UGT3A2: variants seen among roughly 807,000 people sequenced by gnomAD.
The protein encoded by UGT3A2 is UDP glycosyltransferase family 3 member A2, also known as UDP-glycosyltransferase 3A2.
In UGT3A2, 32 loss-of-function variants were observed where a neutral mutation model predicts 39.8. The observed-to-expected ratio is 0.80, with a 90% CI of 0.61 to 1.08. The LOEUF (loss-of-function observed/expected upper bound fraction) is 1.08, where lower values mean the gene tolerates loss of function less well. Among genes scored for constraint, UGT3A2 ranks in the 50% least tolerant of loss-of-function variants. The pLI is 0.00. For synonymous variants in UGT3A2, 241 were observed against 230.7 expected (o/e 1.04, Z -0.40); for missense variants, 611 against 637.1 (o/e 0.96, Z 0.44).
At chr5:36,036,124 T>C in intron 6 of UGT3A2, 150 bp from the exon 7 acceptor site, 1 of 995,766 alleles carries the variant, frequency 1.0e-6, no homozygotes, top group East Asian at 2.6e-5. Flanking sequence ...TGAAATTTAA[T>C]CATGACACCT....
chr5:36,037,048 G>A (rs1043495616), intron 6 of UGT3A2, among the ~76,000 whole-genome samples: 2 of 152,158 alleles, frequency 1.3e-5, no homozygotes, highest in African/African-American at 4.8e-5. Flanking sequence ...AGAGACACAT[G>A]CTGCTGTCCT....
At chr5:36,050,602 G>A (rs1177710640) in intron 3 of UGT3A2, among the ~76,000 whole-genome samples, 3 of 152,202 alleles carry the variant, frequency 2.0e-5, no homozygotes, top group African/African-American at 4.8e-5. Context: ...GGTGGCTCAC[G>A]CCTGTATCCC....
rs571169386 is a variant in UGT3A2 at position 36,050,868 on chromosome 5, A to G, written c.311+1002T>C. ...CAAGAGCAAAACTCCGTCTCAAAAA[A>G]AAAAAAGCCAGTAATGTAGTAAGAA... On this transcript the variant is annotated intron_variant, in intron 3 of 6. Transcript: ENST00000282507. Among the ~76,000 whole-genome samples the G allele has an allele frequency of 2.6e-5, 4 of 152,158 alleles. No individual in the cohort carries two copies. In the South Asian group the frequency reaches 8.3e-4, roughly 32 times the overall value.
At chr5:36,052,575 C>G (rs1440357784) in intron 2 of UGT3A2, among the ~76,000 whole-genome samples, 1 of 151,978 alleles carries the variant, frequency 6.6e-6, no homozygotes. Context: ...CACACCTTCT[C>G]TCTTATCCCT....
intron 1 of UGT3A2, among the ~76,000 whole-genome samples, chr5:36,066,099 C>G (rs909656839): frequency 6.6e-6 from 1 of 152,182 alleles, no homozygotes; most frequent in East Asian, 1.9e-4. Flanking sequence ...CCAAAAGATG[C>G]GAATGACCTG....
At chr5:36,053,036 G>C (rs1000243608) in intron 2 of UGT3A2, among the ~76,000 whole-genome samples, 1 of 152,152 alleles carries the variant, frequency 6.6e-6, no homozygotes, top group Non-Finnish European at 1.5e-5. Flanking sequence ...ACAATGCATG[G>C]CTACTCATAG....
At chr5:36,036,121 T>A in intron 6 of UGT3A2, 147 bp from the exon 7 acceptor site, 2 of 1,018,076 alleles carry the variant, frequency 2.0e-6, no homozygotes, top group South Asian at 1.7e-5. Context: ...CCTTGAAATT[T>A]AATCATGACA....
At position 36,066,776 on chromosome 5, in the gene UGT3A2, C is replaced by T. The variant is rs759191879; in HGVS notation, c.14G>A (p.Arg5Gln). The change falls in exon 1 of 7, where the codon CGA (arginine) becomes CAA (glutamine). Residue 5 changes from arginine (R) to glutamine (Q), a missense_variant. Physicochemically the swap from Arg to Gln is conservative, Grantham distance 43. Transcript: ENST00000282507. The stretch of plus-strand genomic sequence containing the variant: ...AAGGAAGCCCACTAGAAGAAGCACT[C>T]GCTGCCCAGCCATGCTCACTTCTAC... MAGQ[R>Q]VLLLVGFLLP... is the part of the protein sequence containing the mutation. The T allele has an allele frequency of 5.6e-6, 9 of 1,614,092 alleles. No homozygotes were observed. The highest frequency in any genetic ancestry group is 1.6e-4 in the Middle Eastern group (1 of 6,084).
At chr5:36,039,369 C>T in intron 5 of UGT3A2, 108 bp downstream of exon 5, 1 of 1,109,338 alleles carries the variant, frequency 9.0e-7, no homozygotes, top group Non-Finnish European at 1.3e-6. Flanking sequence ...CTGAGCCTTA[C>T]CTGTACCATT....
chr5:36,056,248 T>C (rs202076574), intron 2 of UGT3A2, among the ~76,000 whole-genome samples: 2 of 152,168 alleles, frequency 1.3e-5, no homozygotes, highest in East Asian at 3.9e-4. Flanking sequence ...AGGTACTGGG[T>C]GGAATAGCCC....
chr5:36,065,673 G>T (rs765083986), intron 1 of UGT3A2, among the ~76,000 whole-genome samples: 4 of 152,152 alleles, frequency 2.6e-5, no homozygotes, highest in Non-Finnish European at 5.9e-5. Context: ...CTTCAGAGTG[G>T]AAGTTGTGGT....
intron 4 of UGT3A2, among the ~76,000 whole-genome samples, chr5:36,042,084 G>A (rs1742026210): frequency 6.6e-6 from 1 of 151,958 alleles, no homozygotes; most frequent in South Asian, 2.1e-4. Context: ...CAAAAAAGTA[G>A]AAATTCTGGA....
chr5:36,058,782 T>A (rs560688374), intron 2 of UGT3A2, among the ~76,000 whole-genome samples: 16 of 152,318 alleles, frequency 1.1e-4, no homozygotes, highest in Non-Finnish European at 1.9e-4. Flanking sequence ...TTTCTGTGTT[T>A]GTCCTCCTTC....
intron 2 of UGT3A2, among the ~76,000 whole-genome samples, chr5:36,061,862 G>A (rs1037432434): frequency 8.6e-5 from 13 of 151,620 alleles, no homozygotes; most frequent in African/African-American, 2.9e-4. Flanking sequence ...CACCAACAGT[G>A]TAAAAGTGTT....
chr5:36,036,104 T>G (rs1741820135), intron 6 of UGT3A2, 130 bp from the exon 7 acceptor site: 2 of 1,155,280 alleles, frequency 1.7e-6, no homozygotes, highest in Non-Finnish European at 2.4e-6. Flanking sequence ...GTAATCTACC[T>G]GGTTCCCCTT....
intron 3 of UGT3A2, among the ~76,000 whole-genome samples, chr5:36,051,313 C>A (rs1297864214): frequency 6.6e-6 from 1 of 152,002 alleles, no homozygotes; most frequent in African/African-American, 2.4e-5. Context: ...CAAAAGGAGT[C>A]AGTTTCATGT....
chr5:36,036,914 G>A (rs1286683182), intron 6 of UGT3A2, among the ~76,000 whole-genome samples: 2 of 152,174 alleles, frequency 1.3e-5, no homozygotes, highest in Non-Finnish European at 2.9e-5. Context: ...TCACTGTGCT[G>A]GATATGCAGT....
At chr5:36,041,550 C>T (rs1742006782) in intron 4 of UGT3A2, among the ~76,000 whole-genome samples, 1 of 152,120 alleles carries the variant, frequency 6.6e-6, no homozygotes, top group Non-Finnish European at 1.5e-5. Flanking sequence ...GAGAGAGAAA[C>T]TCTGTTGGTA....
chr5:36,052,092 A>T, intron 2 of UGT3A2, 108 bp from the exon 3 acceptor site: 1 of 685,900 alleles, frequency 1.5e-6, no homozygotes, highest in Non-Finnish European at 2.4e-6. Context: ...ATGTATTTGA[A>T]TGATTGCTTC....
Sources: gnomAD v4.1 joint callset for allele counts (sites outside exome capture counted in the v4.1 genomes callset) on GRCh38, gnomAD v4.1.1 for gene constraint, MANE v1.5 for transcripts, NCBI Gene and HGNC (gene_info 2026-07-23, HGNC 2026-07-21) for gene names.